Variants in LGALS9 observed in about 807,000 individuals in gnomAD.
LGALS9 encodes galectin 9.
A neutral mutation model predicts 35.9 loss-of-function variants in LGALS9; 26 were observed. That is an observed-to-expected ratio of 0.72 (90% CI 0.53 to 1.01). The LOEUF (loss-of-function observed/expected upper bound fraction) is 1.01, where lower values mean the gene tolerates loss of function less well. LGALS9 is among the 50% of genes least tolerant of loss of function. LGALS9 has a pLI of 0.00. For missense variants in LGALS9, 347 were observed against 445.8 expected (o/e 0.78, Z 1.99); for synonymous variants, 149 against 172.2 (o/e 0.87, Z 1.06).
Position 27,647,435 on chromosome 17 carries a change from A to G in LGALS9, c.921+3A>G. On this transcript the variant is annotated splice_donor_region_variant and intron_variant, in intron 10 of 10. Transcript: ENST00000395473. ...TCGTCCGTGGCCAGAGCTTCTCAGT[A>G]AGGCACCGCAGTCTGGAGCTTGGAG... 5 of 1,614,160 alleles carry G rather than the reference A, an allele frequency of 3.1e-6. No homozygotes were observed. The highest frequency in any genetic ancestry group is 4.2e-6 in the Non-Finnish European group (5 of 1,180,018).
At position 27,647,353 on chromosome 17, in the gene LGALS9, C is replaced by T; in HGVS notation, c.842C>T (p.Thr281Ile). ...RFDENAVVRN[T>I]QIDNSWGSEE... The stretch of plus-strand genomic sequence containing the variant: ...GATGAGAATGCTGTGGTCCGCAACA[C>T]CCAGATCGACAACTCCTGGGGGTCT... Residue 281 changes from threonine (T) to isoleucine (I), a missense_variant, in exon 10 of 11, where the codon ACC becomes ATC. Coordinates refer to ENST00000395473, the MANE Select transcript of LGALS9 (RefSeq NM_009587.3). 2 of 1,614,214 alleles carry T rather than the reference C, an allele frequency of 1.2e-6. No individual in the cohort carries two copies. The highest frequency in any genetic ancestry group is 1.7e-6 in the Non-Finnish European group (2 of 1,180,050).
chr17:27,635,727 C>T (rs1204587024), intron 1 of LGALS9, among the ~76,000 whole-genome samples: 2 of 152,062 alleles, frequency 1.3e-5, no homozygotes, highest in African/African-American at 2.4e-5. Context: ...AAGTGGAGGC[C>T]GCATGCTTCC....
intron 7 of LGALS9, among the ~76,000 whole-genome samples, chr17:27,646,339 G>A (rs562797844): frequency 7.9e-5 from 12 of 152,268 alleles, no homozygotes; most frequent in South Asian, 6.2e-4. Flanking sequence ...GGGTTGAGGG[G>A]CAGGTGACCG....
intron 1 of LGALS9, among the ~76,000 whole-genome samples, chr17:27,633,253 C>T (rs1231518442): frequency 6.6e-6 from 1 of 152,288 alleles, no homozygotes; most frequent in East Asian, 1.9e-4. Context: ...GCCGGGGTTG[C>T]TGTGAGGATA....
chr17:27,643,603 A>G lies in LGALS9; in HGVS notation c.523A>G (p.Arg175Gly), dbSNP rs879773247. The G allele has an allele frequency of 6.2e-6, 10 of 1,611,352 alleles. No individual in the cohort carries two copies. The highest frequency in any genetic ancestry group is 8.5e-6 in the Non-Finnish European group (10 of 1,179,598). ...GCCTGTCTGTTTCCCACCCAGGCCC[A>G]GGGGGCGCAGACAAAAAGTGAGTTC... ...SQPVCFPPRP[R>G]GRRQKPPGVW... The change falls in exon 5 of 11, where the codon AGG becomes GGG. Residue 175 changes from arginine (R) to glycine (G), a missense_variant. By Grantham distance (125) the Arg-to-Gly change is moderately radical (BLOSUM62 -2). Coordinates refer to ENST00000395473, the MANE Select transcript of LGALS9 (RefSeq NM_009587.3).
At chr17:27,641,269 C>T (rs1904479960) in intron 3 of LGALS9, among the ~76,000 whole-genome samples, 1 of 152,122 alleles carries the variant, frequency 6.6e-6, no homozygotes, top group African/African-American at 2.4e-5. Context: ...AGGATGTCCC[C>T]ATTCGTTCAG....
At position 27,647,104 on chromosome 17, in the gene LGALS9, G is replaced by A; in HGVS notation, c.744G>A (p.Leu248=). The change falls in exon 9 of 11, where the codon CTG becomes CTA. Residue 248 remains leucine, a synonymous_variant. Transcript: ENST00000395473. ...CCATCCTCCTGTCAGGCACTGTCCT[G>A]CCCAGTGCTCAGAGGTAAGCCAAGG... ...SKSILLSGTV[L]PSAQRFHINL... 2 of 1,614,196 alleles carry A rather than the reference G, an allele frequency of 1.2e-6. No homozygotes were observed. Among genetic ancestry groups the A allele is most frequent in the Non-Finnish European group, 1.7e-6 (2 of 1,180,042 alleles).
At chr17:27,638,117 G>C (rs1182342643) in intron 1 of LGALS9, 146 bp from the exon 2 acceptor site, 2 of 634,330 alleles carry the variant, frequency 3.2e-6, no homozygotes, top group African/African-American at 3.7e-5. Flanking sequence ...GACCCGTGGG[G>C]CTGCGACTCC....
At chr17:27,636,825 GT>G (rs1370620527) in intron 1 of LGALS9, among the ~76,000 whole-genome samples, 4 of 151,780 alleles carry the variant, frequency 2.6e-5, no homozygotes, top group Non-Finnish European at 4.4e-5. Context: ...AAATTAGAAA[GT>G]TTTATAGAAA....
At chr17:27,634,959 G>T (rs748903422) in intron 1 of LGALS9, among the ~76,000 whole-genome samples, 1 of 152,120 alleles carries the variant, frequency 6.6e-6, no homozygotes, top group Non-Finnish European at 1.5e-5. Context: ...TTCCATATCA[G>T]TGCTCAGAGT....
rs1191582291 is a variant in LGALS9, at chr17:27,647,014, C to T, written c.670-16C>T. On this transcript the variant is annotated splice_polypyrimidine_tract_variant and intron_variant, in intron 8 of 10. Coordinates refer to ENST00000395473, the MANE Select transcript of LGALS9 (RefSeq NM_009587.3). ...CCTTCCGCGTGGTGGCTGACCTGTC[C>T]CCCTTCTTCCGACAGCCGATGCCTT... The T allele has an allele frequency of 6.2e-7, 1 of 1,613,778 alleles. No individual in the cohort carries two copies. Among genetic ancestry groups the T allele is most frequent in the Non-Finnish European group, 8.5e-7 (1 of 1,179,872 alleles).
Position 27,643,524 on chromosome 17 carries a change from G to T in LGALS9, c.445-1G>T, listed in dbSNP as rs2151295435. On this transcript the variant is annotated splice_acceptor_variant, in intron 4 of 10. Transcript: ENST00000395473. LOFTEE classifies it high-confidence loss of function. The stretch of plus-strand genomic sequence containing the variant: ...CTGCCCGGTGCCTTTTGTTTTAACA[G>T]AACCCCCGCACAGTCCCTGTTCAGC... 6.2e-7 allele frequency: 1 copy of T among 1,611,718 alleles called. No individual in the cohort carries two copies. The highest frequency in any genetic ancestry group is 2.2e-5 in the East Asian group (1 of 44,874).
intron 7 of LGALS9, among the ~76,000 whole-genome samples, 199 bp from the exon 8 acceptor site, chr17:27,646,348 C>T (rs1476437856): frequency 2.0e-5 from 3 of 152,020 alleles, no homozygotes; most frequent in Admixed American, 2.0e-4. Context: ...GGCAGGTGAC[C>T]GTGGTGTGGT....
chr17:27,642,173 G>T (rs1466497671), intron 3 of LGALS9, 65 bp from the exon 4 acceptor site: 3 of 1,574,094 alleles, frequency 1.9e-6, no homozygotes, highest in South Asian at 2.3e-5. Flanking sequence ...GGGTCCAGGA[G>T]CTCAGGGGTG....
intron 3 of LGALS9, among the ~76,000 whole-genome samples, chr17:27,641,884 G>A (rs1392219247): frequency 1.3e-5 from 2 of 151,868 alleles, no homozygotes; most frequent in African/African-American, 2.4e-5. Context: ...TGAGGCACGA[G>A]AATCACTTGA....
rs767521518 is a variant in LGALS9, at chr17:27,643,559, C to G, written c.479C>G (p.Ser160Cys). 6.2e-7 allele frequency: 1 copy of G among 1,611,934 alleles called. No individual in the cohort carries two copies. Among genetic ancestry groups the G allele is most frequent in the Non-Finnish European group, 8.5e-7 (1 of 1,179,786 alleles). Reference sequence around the variant, plus strand: ...ACAGTCCCTGTTCAGCCTGCCTTCTCCACGGTGCCGTTCTCCCAGCCTGTC... The same window carrying G: ...ACAGTCCCTGTTCAGCCTGCCTTCTGCACGGTGCCGTTCTCCCAGCCTGTC... The part of the protein sequence containing the change: ...PRTVPVQPAF[S>C]TVPFSQPVCF... Residue 160 changes from serine to cysteine, a missense_variant, in exon 5 of 11, where the codon TCC (serine) becomes TGC (cysteine). Ser to Cys is a moderately radical substitution (Grantham distance 112). Transcript: ENST00000395473.
intron 1 of LGALS9, among the ~76,000 whole-genome samples, chr17:27,631,540 GCTGTC>G (rs1401510546): frequency 6.6e-6 from 1 of 152,202 alleles, no homozygotes; most frequent in Non-Finnish European, 1.5e-5. Context: ...TGTTGACTGA[GCTGTC>G]CTGTCCTGTC....
chr17:27,635,691 C>T lies in LGALS9; in HGVS notation c.40-2572C>T, dbSNP rs1377278536. 4.6e-5 allele frequency among the ~76,000 whole-genome samples: 7 copies of T among 152,064 alleles called. No individual in the cohort carries two copies. In the East Asian group the frequency reaches 1.4e-3, roughly 29 times the overall value. The stretch of plus-strand genomic sequence containing the variant: ...TGTCCATCACGCTCTGCCTTCAATT[C>T]TAGATGCTGTGCTGTGAATACACTT... On this transcript the variant is annotated intron_variant, in intron 1 of 10. Coordinates refer to ENST00000395473, the MANE Select transcript of LGALS9 (RefSeq NM_009587.3).
chr17:27,647,495 G>T, intron 10 of LGALS9, 63 bp downstream of exon 10: 2 of 1,595,872 alleles, frequency 1.3e-6, no homozygotes, highest in Non-Finnish European at 1.7e-6. Context: ...AGGGGGTAAA[G>T]GAGGTTTGAG....
Sources: gnomAD v4.1 joint callset for allele counts (sites outside exome capture counted in the v4.1 genomes callset) on GRCh38, gnomAD v4.1.1 for gene constraint, MANE v1.5 for transcripts, NCBI Gene and HGNC (gene_info 2026-07-23, HGNC 2026-07-21) for gene names.